Variants in VPS13A observed in about 807,000 individuals in gnomAD.
The protein encoded by VPS13A is vacuolar protein sorting 13 homolog A, also known as intermembrane lipid transfer protein VPS13A.
Under a neutral mutation model 390.9 loss-of-function variants are expected in VPS13A, and 264 were observed. The observed-to-expected ratio is 0.68, with a 90% confidence interval of 0.61 to 0.75. The LOEUF (loss-of-function observed/expected upper bound fraction) is 0.75. Ranked by LOEUF, VPS13A falls within the 30% of genes least tolerant of loss-of-function variation. VPS13A has a pLI of 0.00. For synonymous variants in VPS13A, 1,231 were observed against 1,227.1 expected, an observed-to-expected ratio of 1.00 and a Z score of -0.07; for missense variants, 3,409 against 3,733.9, an observed-to-expected ratio of 0.91 and a Z score of 2.27.
chr9:77,188,166 A>G (rs2131066183), intron 1 of VPS13A, among the ~76,000 whole-genome samples: 1 of 152,262 alleles, frequency 6.6e-6, no homozygotes, highest in East Asian at 1.9e-4. Flanking sequence ...TTCTGCCATG[A>G]TTGAAAGCTT....
intron 67 of VPS13A, among the ~76,000 whole-genome samples, chr9:77,377,376 C>T (rs543546046): frequency 2.6e-5 from 4 of 151,592 alleles, no homozygotes; most frequent in African/African-American, 4.8e-5. Context: ...CCCGCCACCG[C>T]GCCCGGCTAA....
At position 77,250,134 on chromosome 9, in the gene VPS13A, A is replaced by C; in HGVS notation, c.2075A>C (p.Lys692Thr). 6 of 1,613,942 alleles carry C rather than the reference A, an allele frequency of 3.7e-6. No individual in the cohort carries two copies. The South Asian group carries it at 6.6e-5, about 18-fold the overall frequency. ...AGTCGTTCTGAATTACCAGATGTGAAACAAGGTGAGGCCAATCTTAAAGAG... is the reference window on the plus strand; with the variant it reads ...AGTCGTTCTGAATTACCAGATGTGACACAAGGTGAGGCCAATCTTAAAGAG... ...SKSRSELPDV[K>T]QGEANLKEIM... Residue 692 changes from lysine to threonine, a missense_variant, in exon 21 of 72, where the codon AAA becomes ACA. Physicochemically the swap from Lys to Thr is moderately conservative, Grantham distance 78. This residue lies in a region of VPS13A where 2,717 missense variants were observed against 2,917.4 expected (regional missense o/e 0.93). Coordinates refer to ENST00000360280, the MANE Select transcript of VPS13A (RefSeq NM_033305.3).
chr9:77,213,664 C>T (rs1826099467), intron 9 of VPS13A, among the ~76,000 whole-genome samples: 1 of 151,958 alleles, frequency 6.6e-6, no homozygotes, highest in Non-Finnish European at 1.5e-5. Flanking sequence ...CCATGCCCAG[C>T]TAATTTTTAA....
chr9:77,311,298 C>T (rs573493755), intron 35 of VPS13A, among the ~76,000 whole-genome samples: 4 of 152,188 alleles, frequency 2.6e-5, no homozygotes, highest in African/African-American at 7.2e-5. Flanking sequence ...TTCCTCCAGC[C>T]CATAAGATTA....
intron 62 of VPS13A, 70 bp downstream of exon 62, chr9:77,368,206 A>G (rs1832543911): frequency 1.6e-6 from 2 of 1,259,068 alleles, no homozygotes; most frequent in Non-Finnish European, 2.3e-6. Flanking sequence ...GTCTATACAT[A>G]TATAATGTGG....
At chr9:77,300,448 G>A (rs555365239) in intron 33 of VPS13A, among the ~76,000 whole-genome samples, 1 of 152,150 alleles carries the variant, frequency 6.6e-6, no homozygotes, top group Admixed American at 6.6e-5. Context: ...TGAAAATGCA[G>A]TTGCTGGGCA....
intron 13 of VPS13A, 97 bp downstream of exon 13, chr9:77,221,453 A>C: frequency 3.7e-6 from 5 of 1,356,702 alleles, no homozygotes; most frequent in Non-Finnish European, 4.1e-6. Context: ...TCCAATTTTT[A>C]TTGACCTTTT....
At chr9:77,340,152 A>G (rs758757996) in intron 48 of VPS13A, 26 bp from the exon 49 acceptor site, 2 of 1,591,338 alleles carry the variant, frequency 1.3e-6, no homozygotes, top group South Asian at 1.1e-5. Flanking sequence ...CTAAATTGTG[A>G]TGTATTTGGA....
At chr9:77,354,198 G>A (rs1358385805) in intron 54 of VPS13A, among the ~76,000 whole-genome samples, 4 of 151,790 alleles carry the variant, frequency 2.6e-5, no homozygotes, top group African/African-American at 9.7e-5. Context: ...TATTTCTTCT[G>A]TATAACCAGG....
intron 7 of VPS13A, 56 bp downstream of exon 7, chr9:77,210,731 A>C: frequency 6.5e-7 from 1 of 1,541,074 alleles, no homozygotes; most frequent in Non-Finnish European, 9.0e-7. Flanking sequence ...TAGTCTATTA[A>C]ACTGCTACTA....
intron 3 of VPS13A, 86 bp downstream of exon 3, chr9:77,201,493 T>C: frequency 1.8e-6 from 2 of 1,136,262 alleles, no homozygotes; most frequent in Non-Finnish European, 2.7e-6. Flanking sequence ...TGTGATATTT[T>C]TCATGTTTCT....
At position 77,177,585 on chromosome 9, in the gene VPS13A, C is replaced by G. The variant is rs1823708093; in HGVS notation, c.-120C>G. The G allele has an allele frequency of 3.4e-6, 3 of 887,028 alleles. No individual in the cohort carries two copies. The highest frequency in any genetic ancestry group is 1.4e-5 in the South Asian group (1 of 71,678). The allele number at this position is 887,028 out of a possible 1,614,324, so 54.9% of individuals were successfully genotyped here. A position where few individuals can be genotyped will look rare whatever the true frequency, so the allele number is the denominator to read the frequency against. On this transcript the variant is annotated 5_prime_UTR_variant, in exon 1 of 72. Coordinates refer to ENST00000360280, the MANE Select transcript of VPS13A (RefSeq NM_033305.3). ...GGGCTGCGCGTTGGGCCAGCGGGGG[C>G]GCCGCAGCTGAAGCCGCCCCGGAGC... is the stretch of plus-strand genomic sequence containing the variant.
intron 4 of VPS13A, 38 bp downstream of exon 4, chr9:77,205,446 C>G (rs534297856): frequency 1.0e-6 from 1 of 992,160 alleles, no homozygotes; most frequent in Admixed American, 2.9e-5. Flanking sequence ...TTAAGTTATT[C>G]TTTTTTATGG....
chr9:77,256,503 T>A (rs1825453382), intron 22 of VPS13A, among the ~76,000 whole-genome samples: 4 of 152,170 alleles, frequency 2.6e-5, no homozygotes. Context: ...TTTAGTCCAG[T>A]TGGTCAATTT....
chr9:77,386,537 AT>A (rs568864987), intron 68 of VPS13A, among the ~76,000 whole-genome samples: 72 of 152,052 alleles, frequency 4.7e-4, no homozygotes, highest in Non-Finnish European at 9.4e-4. Flanking sequence ...GTGATTTACC[AT>A]TTTCATGAAA....
rs58598132 is a variant in VPS13A at position 77,302,368 on chromosome 9, CTTTTTTT to C, written c.3813-532_3813-526del. On this transcript the variant is annotated intron_variant, in intron 33 of 71. Transcript: ENST00000360280. ...GTATCGAAAAATACATATTTTTCCC[CTTTTTTT>C]TTTTTTTTTTTTTTGGAGACAGAGT... Among the ~76,000 whole-genome samples, 322 of 117,808 alleles carry C rather than the reference CTTTTTTT, an allele frequency of 2.7e-3. 2 individuals carry two copies. The highest frequency in any genetic ancestry group is 0.016 in the Middle Eastern group (3 of 188). The allele number at this position is 117,808 out of a possible 152,430, so 77.3% of individuals were successfully genotyped here. A position where few individuals can be genotyped will look rare whatever the true frequency, so the allele number is the denominator to read the frequency against.
Position 77,198,156 on chromosome 9 carries a change from T to A in VPS13A, c.101-1789T>A, listed in dbSNP as rs181521492. Among the ~76,000 whole-genome samples, 104 of 152,252 alleles carry A rather than the reference T, an allele frequency of 6.8e-4. 1 individual carries two copies. The highest frequency in any genetic ancestry group is 3.4e-3 in the Middle Eastern group (1 of 294). Reference sequence around the variant, plus strand: ...TAGAATGTACTGTATTTATTTATTTTTTTTTTCAAGTGAGAAGAAACATTA... The same window carrying A: ...TAGAATGTACTGTATTTATTTATTTATTTTTTCAAGTGAGAAGAAACATTA... On this transcript the variant is annotated intron_variant, in intron 1 of 71. Transcript: ENST00000360280.
intron 68 of VPS13A, chr9:77,382,951 T>C (rs1563979675): frequency 2.0e-6 from 2 of 985,068 alleles, no homozygotes; most frequent in Admixed American, 6.2e-5. Flanking sequence ...CAGTGTCATG[T>C]TGTTTCTGTG....
At chr9:77,292,213 C>T (rs1473283965) in intron 31 of VPS13A, among the ~76,000 whole-genome samples, 5 of 152,164 alleles carry the variant, frequency 3.3e-5, no homozygotes, top group African/African-American at 4.8e-5. Flanking sequence ...GAGCTCCTCA[C>T]GTGTGTGGCT....
Sources: gnomAD v4.1 joint callset for allele counts (sites outside exome capture counted in the v4.1 genomes callset) on GRCh38, gnomAD v4.1.1 for gene constraint, gnomAD v4.1.1 regional missense constraint, MANE v1.5 for transcripts, NCBI Gene and HGNC (gene_info 2026-07-23, HGNC 2026-07-21) for gene names.